BRAF: variants seen among roughly 807,000 people sequenced by gnomAD.
BRAF encodes serine/threonine-protein kinase B-raf.
Under a neutral mutation model 104.6 loss-of-function variants are expected in BRAF, and 16 were observed. The observed-to-expected ratio is 0.15, with a 90% CI of 0.10 to 0.23. The LOEUF is 0.23. BRAF is among the 10% of genes least tolerant of loss of function. The pLI is 1.00. For synonymous variants in BRAF, 310 were observed against 341.6 expected (o/e 0.91, Z 1.02); for missense variants, 541 against 937.3 (o/e 0.58, Z 5.52).
intron 1 of BRAF, among the ~76,000 whole-genome samples, chr7:140,892,786 C>T (rs1814396777): frequency 6.6e-6 from 1 of 152,056 alleles, no homozygotes; most frequent in African/African-American, 2.4e-5. Context: ...TTCCCCACCC[C>T]TAAATGATCC....
chr7:140,815,310 T>G (rs1039267910), intron 3 of BRAF, among the ~76,000 whole-genome samples: 2 of 144,350 alleles, frequency 1.4e-5, no homozygotes, highest in Non-Finnish European at 3.0e-5. Context: ...GCTAATTTTG[T>G]TTTTTTTTGT....
At position 140,720,347 on chromosome 7, in the gene BRAF, T is replaced by C; in HGVS notation, c.*6147A>G. The C allele has an allele frequency of 9.4e-7, 1 of 1,062,592 alleles. No homozygotes were observed. Among genetic ancestry groups the C allele is most frequent in the Non-Finnish European group, 1.1e-6 (1 of 877,680 alleles). The allele number at this position is 1,062,592 out of a possible 1,614,324, so 65.8% of individuals were successfully genotyped here. ...GAGGACCCATGGATGCATTTTAAAA[T>C]GAAGGCAGGAGAAGGGGACAGCACA... On this transcript the variant is annotated 3_prime_UTR_variant, in exon 20 of 20. Coordinates refer to ENST00000644969, the MANE Select transcript of BRAF (RefSeq NM_001374258.1).
intron 14 of BRAF, among the ~76,000 whole-genome samples, chr7:140,768,767 T>C (rs1467079431): frequency 1.3e-5 from 2 of 152,094 alleles, no homozygotes; most frequent in African/African-American, 2.4e-5. Flanking sequence ...AATATGCTAG[T>C]AGTACAGGCA....
At chr7:140,858,316 T>C (rs1483080482) in intron 1 of BRAF, among the ~76,000 whole-genome samples, 1 of 152,208 alleles carries the variant, frequency 6.6e-6, no homozygotes, top group African/African-American at 2.4e-5. Flanking sequence ...CAAGCCTTCA[T>C]ACTTAACTTC....
chr7:140,781,798 G>C lies in BRAF; in HGVS notation c.1435-105C>G, dbSNP rs71645971. ...TATGCCTGAGAGGGATACAGGAAGA[G>C]ATCCCCTTAAGAAAAATTCTCTGGA... On this transcript the variant is annotated intron_variant, in intron 11 of 19. Coordinates refer to ENST00000644969, the MANE Select transcript of BRAF (RefSeq NM_001374258.1). 8.4e-4 allele frequency: 757 copies of C among 898,376 alleles called. 3 individuals are homozygous for C. The African/African-American group carries it at 0.011, about 13-fold the overall frequency. 55.7% of individuals were successfully genotyped at this position (898,376 alleles called of 1,614,324 possible). A position where few individuals can be genotyped will look rare whatever the true frequency, so the allele number is the denominator to read the frequency against.
At chr7:140,736,059 C>CTTTCTTCTGTACCT (rs1458990748) in intron 18 of BRAF, among the ~76,000 whole-genome samples, 4 of 150,374 alleles carry the variant, frequency 2.7e-5, no homozygotes, top group Non-Finnish European at 5.9e-5. Context: ...AGAGTCTATA[C>CTTTCTTCTGTACCT]TTTCTTCTGT....
At position 140,737,883 on chromosome 7, in the gene BRAF, C is replaced by A. The variant is rs994875965; in HGVS notation, c.2247+1929G>T. On this transcript the variant is annotated intron_variant, in intron 18 of 19. Transcript: ENST00000644969. ...CACATATGCACTTCAGTTTTTGAAA[C>A]CATGTAATTAATGAAATGTTATATT... Among the ~76,000 whole-genome samples, 15 of 152,280 alleles carry A rather than the reference C, an allele frequency of 9.9e-5. No homozygotes were observed. In the South Asian group the frequency reaches 2.1e-3, roughly 21 times the overall value.
At chr7:140,912,144 C>T (rs1817054060) in intron 1 of BRAF, among the ~76,000 whole-genome samples, 1 of 152,118 alleles carries the variant, frequency 6.6e-6, no homozygotes, top group Admixed American at 6.5e-5. Flanking sequence ...CAGAGTGAGA[C>T]CCCCATCTCT....
In BRAF at chr7:140,726,052, C is replaced by T. The variant is rs748262696; in HGVS notation, c.*442G>A. On this transcript the variant is annotated 3_prime_UTR_variant, in exon 20 of 20. Transcript: ENST00000644969. ...AGAGCTCCAAAACAAAATTCCAGAA[C>T]AGGAAAGAGAACGATGCTTGGTGAT... 4.7e-6 allele frequency: 5 copies of T among 1,073,264 alleles called. No individual in the cohort carries two copies. The highest frequency in any genetic ancestry group is 5.6e-6 in the Non-Finnish European group (5 of 884,964). The allele number at this position is 1,073,264 out of a possible 1,614,324, so 66.5% of individuals were successfully genotyped here. A position where few individuals can be genotyped will look rare whatever the true frequency, so the allele number is the denominator to read the frequency against.
rs1398810916 is a variant in BRAF, at chr7:140,924,365, G to A, written c.138+201C>T. 6.6e-6 allele frequency among the ~76,000 whole-genome samples: 1 copy of A among 152,148 alleles called. No individual in the cohort carries two copies. Among genetic ancestry groups the A allele is most frequent in the Non-Finnish European group, 1.5e-5 (1 of 68,008 alleles). On this transcript the variant is annotated intron_variant, in intron 1 of 19. Coordinates refer to ENST00000644969, the MANE Select transcript of BRAF (RefSeq NM_001374258.1). The surrounding 1 kb of genome is among the most constrained non-coding windows in gnomAD (Gnocchi z 4.2). ...GGGGTGGGGGCCAGGGAAACCCCCC[G>A]GGCCATTGTGTGTGTTTACGTAGGA...
chr7:140,916,846 A>C (rs1379738351), intron 1 of BRAF, among the ~76,000 whole-genome samples: 3 of 152,232 alleles, frequency 2.0e-5, no homozygotes, highest in Non-Finnish European at 4.4e-5. Flanking sequence ...GAAATTAAAA[A>C]GTCAAAGTTC....
At chr7:140,863,198 G>A (rs1810598676) in intron 1 of BRAF, among the ~76,000 whole-genome samples, 1 of 151,828 alleles carries the variant, frequency 6.6e-6, no homozygotes, top group African/African-American at 2.4e-5. Context: ...AAAAAAAACT[G>A]ATTTTTTAAG....
intron 3 of BRAF, among the ~76,000 whole-genome samples, chr7:140,821,383 T>C (rs1283285686): frequency 6.7e-6 from 1 of 149,772 alleles, no homozygotes; most frequent in Non-Finnish European, 1.5e-5. Context: ...CATTGCAACC[T>C]GTGCCTCCCA....
At chr7:140,801,817 T>C (rs1298488545) in intron 5 of BRAF, among the ~76,000 whole-genome samples, 1 of 152,036 alleles carries the variant, frequency 6.6e-6, no homozygotes, top group East Asian at 1.9e-4. Context: ...GGCTGGCAAC[T>C]GATTTCAAGC....
chr7:140,810,483 T>A (rs950187753), intron 3 of BRAF, among the ~76,000 whole-genome samples: 1 of 151,998 alleles, frequency 6.6e-6, no homozygotes, highest in African/African-American at 2.4e-5. Context: ...GGCACGATAA[T>A]CACTTGAACC....
intron 14 of BRAF, among the ~76,000 whole-genome samples, chr7:140,775,188 C>T (rs1800215681): frequency 6.6e-6 from 1 of 151,928 alleles, no homozygotes; most frequent in Admixed American, 6.6e-5. Context: ...CATGTGTATC[C>T]TAAAGAGAAT....
intron 14 of BRAF, among the ~76,000 whole-genome samples, chr7:140,759,468 C>T (rs1003462348): frequency 6.6e-6 from 1 of 152,214 alleles, no homozygotes; most frequent in Non-Finnish European, 1.5e-5. Flanking sequence ...CTCACTGCAA[C>T]CTCTGCCTCC....
intron 14 of BRAF, among the ~76,000 whole-genome samples, chr7:140,767,511 C>T (rs1169251726): frequency 2.6e-5 from 4 of 152,004 alleles, no homozygotes; most frequent in Admixed American, 6.6e-5. Context: ...ATGGTTACTT[C>T]CAACTGTCTT....
chr7:140,749,149 C>A (rs778466026), intron 17 of BRAF, 138 bp downstream of exon 16: 1 of 1,194,016 alleles, frequency 8.4e-7, no homozygotes, highest in Non-Finnish European at 1.2e-6. Context: ...CAAAAGTATA[C>A]AAACGATTTC....
Sources: gnomAD v4.1 joint callset for allele counts (sites outside exome capture counted in the v4.1 genomes callset) on GRCh38, gnomAD v4.1.1 for gene constraint, Gnocchi (gnomAD v3.1) non-coding constraint, MANE v1.5 for transcripts, NCBI Gene and HGNC (gene_info 2026-07-23, HGNC 2026-07-21) for gene names.